PCDHGA2: variants seen among roughly 807,000 people sequenced by gnomAD.
PCDHGA2 encodes the protein protocadherin gamma subfamily A, 2.
PCDHGA2 carries 40 observed loss-of-function variants against 59.2 expected under a neutral mutation model. The observed-to-expected ratio is 0.68, with a 90% CI of 0.52 to 0.88. PCDHGA2 has a LOEUF of 0.88. Ranked by LOEUF, PCDHGA2 falls within the 40% of genes least tolerant of loss-of-function variation. PCDHGA2 has a pLI of 0.00. For missense variants in PCDHGA2, 1,226 were observed against 1,204.0 expected (o/e 1.02, Z -0.27); for synonymous variants, 560 against 526.0 (o/e 1.06, Z -0.89).
At chr5:141,349,549 A>G (rs1362405678) in intron 1 of PCDHGA2, among the ~76,000 whole-genome samples, 1 of 152,162 alleles carries the variant, frequency 6.6e-6, no homozygotes, top group Non-Finnish European at 1.5e-5. Context: ...TAAAGAAGAG[A>G]AATAACATAA....
At position 141,421,915 on chromosome 5, in the gene PCDHGA2, C is replaced by T. The variant is rs751221129; in HGVS notation, c.2425-72892C>T. ...CATCCGAAAGGGCGCAGTTCCCATT[C>T]GTGTGGTGGTCCTCGATGTAAATGA... is the stretch of plus-strand genomic sequence containing the variant. On this transcript the variant is annotated intron_variant, in intron 1 of 3. Transcript: ENST00000394576. 18 of 1,613,504 alleles carry T rather than the reference C, an allele frequency of 1.1e-5. No individual in the cohort carries two copies. The South Asian group carries it at 1.5e-4, about 14-fold the overall frequency.
At position 141,491,753 on chromosome 5, in the gene PCDHGA2, C is replaced by T. The variant is rs373728953; in HGVS notation, c.2425-3054C>T. On this transcript the variant is annotated intron_variant, in intron 1 of 3. Coordinates refer to ENST00000394576, the MANE Select transcript of PCDHGA2 (RefSeq NM_018915.4). The surrounding 1 kb of genome is among the most constrained non-coding windows in gnomAD (Gnocchi z 6.9). ...ACCCCTGGGGGCGGCACTGGAGAAGCCGCCCGTCCTCATAAGGGATTGAAC... is the reference window on the plus strand; with the variant it reads ...ACCCCTGGGGGCGGCACTGGAGAAGTCGCCCGTCCTCATAAGGGATTGAAC... 4 of 1,585,146 alleles carry T rather than the reference C, an allele frequency of 2.5e-6. No homozygotes were observed. Among genetic ancestry groups the T allele is most frequent in the East Asian group, 2.3e-5 (1 of 43,412 alleles).
chr5:141,379,424 G>C (rs1775590923), intron 1 of PCDHGA2: 1 of 152,218 alleles, frequency 6.6e-6, no homozygotes, highest in Non-Finnish European at 1.5e-5. Context: ...TCATGAGTTA[G>C]ATGGGCTGTT....
intron 1 of PCDHGA2, chr5:141,413,362 C>G: frequency 1.2e-6 from 2 of 1,613,988 alleles, no homozygotes; most frequent in South Asian, 1.1e-5. Context: ...GCCCCGGGAG[C>G]TGGCGGAGCG....
chr5:141,416,759 C>T (rs1045872662), intron 1 of PCDHGA2: 2 of 152,130 alleles, frequency 1.3e-5, no homozygotes, highest in African/African-American at 4.8e-5. Flanking sequence ...TTAGGTAGAT[C>T]TCTTAATTTT....
At chr5:141,388,860 A>T (rs781769294) in intron 1 of PCDHGA2, 2 of 1,613,902 alleles carry the variant, frequency 1.2e-6, no homozygotes, top group South Asian at 2.2e-5. Flanking sequence ...TGGAGGAATG[A>T]TTGCGCAATG....
intron 1 of PCDHGA2, chr5:141,355,235 G>C (rs146402451): frequency 1.2e-3 from 1,998 of 1,612,170 alleles, no homozygotes; most frequent in Non-Finnish European, 1.5e-3. Context: ...GACCACACCC[G>C]GCTGCTCCAG....
At chr5:141,408,563 G>T (rs1266893654) in intron 1 of PCDHGA2, 1 of 1,614,040 alleles carries the variant, frequency 6.2e-7, no homozygotes, top group South Asian at 1.1e-5. Flanking sequence ...TCATGTCATT[G>T]TGGTGATTGA....
intron 1 of PCDHGA2, chr5:141,441,802 T>C (rs2098274220): frequency 2.6e-6 from 1 of 382,538 alleles, no homozygotes; most frequent in South Asian, 2.1e-5. Flanking sequence ...GCACCGCGGG[T>C]GCTGTACCCC....
In PCDHGA2 at chr5:141,489,261, A is replaced by C; in HGVS notation, c.2425-5546A>C. 6.4e-7 allele frequency: 1 copy of C among 1,551,956 alleles called. No individual in the cohort carries two copies. Among genetic ancestry groups the C allele is most frequent in the East Asian group, 2.2e-5 (1 of 44,450 alleles). Reference sequence around the variant, plus strand: ...GGGTCATGGGGCCCAAGACACTCCCACAGCTCGCTGGGAAATGGCAAGTGC... The same window carrying C: ...GGGTCATGGGGCCCAAGACACTCCCCCAGCTCGCTGGGAAATGGCAAGTGC... On this transcript the variant is annotated intron_variant, in intron 1 of 3. Coordinates refer to ENST00000394576, the MANE Select transcript of PCDHGA2 (RefSeq NM_018915.4). The surrounding 1 kb of genome is among the most constrained non-coding windows in gnomAD (Gnocchi z 4.5).
chr5:141,345,101 C>A (rs1180521543), intron 1 of PCDHGA2: 1 of 1,613,832 alleles, frequency 6.2e-7, no homozygotes, highest in Non-Finnish European at 8.5e-7. Flanking sequence ...CAAGCTCAGT[C>A]CCAGAAGAGG....
intron 1 of PCDHGA2, among the ~76,000 whole-genome samples, chr5:141,439,190 C>CAAA (rs200519543): frequency 1.8e-5 from 2 of 111,760 alleles, no homozygotes; most frequent in African/African-American, 6.3e-5. Context: ...GAGACTCTGA[C>CAAA]AAAAAAAAAA....
intron 1 of PCDHGA2, chr5:141,360,434 C>T (rs761392081): frequency 1.9e-6 from 3 of 1,613,956 alleles, no homozygotes; most frequent in East Asian, 2.2e-5. Context: ...GGGAAGCAGC[C>T]TCTGTGTGTT....
intron 1 of PCDHGA2, chr5:141,364,555 TG>T: frequency 6.2e-7 from 1 of 1,614,108 alleles, no homozygotes; most frequent in Non-Finnish European, 8.5e-7. Context: ...CGCAGCTTTT[TG>T]CCCTGAACCC....
At chr5:141,426,937 C>T in intron 1 of PCDHGA2, 1 of 456,736 alleles carries the variant, frequency 2.2e-6, no homozygotes, top group Non-Finnish European at 4.4e-6. Flanking sequence ...ATGGGTGACC[C>T]AGTCCCAACT....
At chr5:141,366,872 A>G in intron 1 of PCDHGA2, 1 of 1,396,140 alleles carries the variant, frequency 7.2e-7, no homozygotes, top group Non-Finnish European at 9.6e-7. Flanking sequence ...GCTGTATTGG[A>G]GATTAATTTT....
Position 141,485,730 on chromosome 5 carries a change from G to A in PCDHGA2, c.2425-9077G>A. On this transcript the variant is annotated intron_variant, in intron 1 of 3. Coordinates refer to ENST00000394576, the MANE Select transcript of PCDHGA2 (RefSeq NM_018915.4). This position sits in a 1 kb window ranked among gnomAD's most constrained non-coding sequence, Gnocchi z 5.7. ...TTTGCACTGGATGTGAAGAAGCGCA[G>A]CGACGGCAGCCTGGTCCCAGAGCTG... is the stretch of plus-strand genomic sequence containing the variant. 1 of 1,614,200 alleles carries A rather than the reference G, an allele frequency of 6.2e-7. No individual in the cohort carries two copies. Among genetic ancestry groups the A allele is most frequent in the Non-Finnish European group, 8.5e-7 (1 of 1,180,024 alleles).
intron 1 of PCDHGA2, chr5:141,382,773 T>C: frequency 1.3e-6 from 1 of 782,328 alleles, no homozygotes; most frequent in Non-Finnish European, 2.0e-6. Context: ...CAGGCTGCAC[T>C]AAACTCAAGC....
rs2099747616 is a variant in PCDHGA2 at position 141,493,318 on chromosome 5, TA to T, written c.2425-1487del. 6.6e-6 allele frequency among the ~76,000 whole-genome samples: 1 copy of T among 152,234 alleles called. No homozygotes were observed. Among genetic ancestry groups the T allele is most frequent in the South Asian group, 2.1e-4 (1 of 4,828 alleles). On this transcript the variant is annotated intron_variant, in intron 1 of 3. Coordinates refer to ENST00000394576, the MANE Select transcript of PCDHGA2 (RefSeq NM_018915.4). This position sits in a 1 kb window ranked among gnomAD's most constrained non-coding sequence, Gnocchi z 4.3. ...TTCACAGAGCAAGTAAGAGAGATTC[TA>T]ACCCCTGTCTAACTCCAGAATGTGT...
Sources: gnomAD v4.1 joint callset for allele counts (sites outside exome capture counted in the v4.1 genomes callset) on GRCh38, gnomAD v4.1.1 for gene constraint, Gnocchi (gnomAD v3.1) non-coding constraint, MANE v1.5 for transcripts, NCBI Gene and HGNC (gene_info 2026-07-23, HGNC 2026-07-21) for gene names.